EPHA7: variants seen among roughly 807,000 people sequenced by gnomAD.
The protein encoded by EPHA7 is EPH receptor A7.
EPHA7 carries 25 observed loss-of-function variants against 112.6 expected under a neutral mutation model. The ratio of observed to expected loss-of-function variants is 0.22; its 90% CI spans 0.16 to 0.31. The LOEUF is 0.31. Ranked by LOEUF, EPHA7 falls within the 10% of genes least tolerant of loss-of-function variation. The pLI is 1.00. For synonymous variants in EPHA7, 437 were observed against 406.5 expected (o/e 1.07, Z -0.90); for missense variants, 962 against 1,212.6 (o/e 0.79, Z 3.07).
At chr6:93,353,747 A>C (rs528316107) in intron 5 of EPHA7, among the ~76,000 whole-genome samples, 1 of 151,320 alleles carries the variant, frequency 6.6e-6, no homozygotes, top group Non-Finnish European at 1.5e-5. Context: ...TTTTTTTTTC[A>C]TGAGGAGTTT....
At chr6:93,297,641 C>A (rs1428909782) in intron 5 of EPHA7, among the ~76,000 whole-genome samples, 1 of 152,070 alleles carries the variant, frequency 6.6e-6, no homozygotes, top group African/African-American at 2.4e-5. Context: ...TTTGTAAGTG[C>A]CAGTTGCCAC....
intron 5 of EPHA7, among the ~76,000 whole-genome samples, chr6:93,289,747 T>A (rs769983440): frequency 1.3e-5 from 2 of 152,214 alleles, no homozygotes; most frequent in African/African-American, 4.8e-5. Flanking sequence ...TTACATTTTG[T>A]CTGCATGCCT....
intron 5 of EPHA7, among the ~76,000 whole-genome samples, chr6:93,328,730 G>A (rs1774444895): frequency 6.6e-6 from 1 of 151,168 alleles, no homozygotes; most frequent in South Asian, 2.1e-4. Flanking sequence ...TCTCATTAGC[G>A]AATTCTCATA....
intron 15 of EPHA7, 95 bp downstream of exon 15, chr6:93,246,697 A>C: frequency 9.3e-7 from 1 of 1,078,832 alleles, no homozygotes; most frequent in East Asian, 2.4e-5. Context: ...GTCAACACAA[A>C]AGTCAATTTG....
intron 3 of EPHA7, among the ~76,000 whole-genome samples, chr6:93,390,679 A>G (rs796752601): frequency 2.0e-5 from 3 of 151,962 alleles, no homozygotes; most frequent in African/African-American, 7.2e-5. Context: ...TGTTCATTAT[A>G]CTATTCTATT....
chr6:93,380,813 T>C (rs1472668321), intron 3 of EPHA7, among the ~76,000 whole-genome samples: 2 of 152,150 alleles, frequency 1.3e-5, no homozygotes, highest in African/African-American at 2.4e-5. Flanking sequence ...AGAAGAGCCT[T>C]GTCTTTTATT....
chr6:93,356,277 G>A (rs906745185), intron 5 of EPHA7, among the ~76,000 whole-genome samples: 3 of 151,422 alleles, frequency 2.0e-5, no homozygotes, highest in South Asian at 4.2e-4. Flanking sequence ...GCACGATCTC[G>A]GCTCACTGCA....
intron 3 of EPHA7, among the ~76,000 whole-genome samples, chr6:93,403,727 T>A (rs1316137270): frequency 2.6e-5 from 4 of 151,054 alleles, no homozygotes; most frequent in African/African-American, 9.7e-5. Flanking sequence ...TAAATTGATA[T>A]TTTAAGGAAA....
chr6:93,255,602 T>C (rs1206750617), intron 13 of EPHA7, among the ~76,000 whole-genome samples: 9 of 152,092 alleles, frequency 5.9e-5, no homozygotes, highest in African/African-American at 2.2e-4. Flanking sequence ...ACTCTCCCAA[T>C]ATAGGGCAGT....
At chr6:93,350,252 T>A (rs1775624493) in intron 5 of EPHA7, among the ~76,000 whole-genome samples, 1 of 152,018 alleles carries the variant, frequency 6.6e-6, no homozygotes, top group Non-Finnish European at 1.5e-5. Flanking sequence ...TCTTAGTAGG[T>A]CTCCTTTTCA....
chr6:93,342,323 C>G (rs1239425223), intron 5 of EPHA7, among the ~76,000 whole-genome samples: 1 of 151,754 alleles, frequency 6.6e-6, no homozygotes, highest in Non-Finnish European at 1.5e-5. Flanking sequence ...GTAATGTAAT[C>G]TATTAGAAAT....
intron 5 of EPHA7, among the ~76,000 whole-genome samples, chr6:93,342,336 A>G (rs1775180530): frequency 6.6e-6 from 1 of 151,834 alleles, no homozygotes; most frequent in African/African-American, 2.4e-5. Flanking sequence ...TTAGAAATAG[A>G]AGCCAATAGA....
rs114566881 is a variant in EPHA7, at chr6:93,396,379, T to C, written c.832+14122A>G. On this transcript the variant is annotated intron_variant, in intron 3 of 16. Transcript: ENST00000369303. ...AAATTCTACATAATTTTCAGAAATA[T>C]ATTTTGCTTTTTACTAGTGGCTGAA... is the stretch of plus-strand genomic sequence containing the variant. 7.8e-3 allele frequency among the ~76,000 whole-genome samples: 1,188 copies of C among 151,966 alleles called. 14 individuals carry two copies. The highest frequency in any genetic ancestry group is 0.026 in the African/African-American group (1,086 of 41,532).
chr6:93,413,095 A>G (rs1779055664), intron 2 of EPHA7, among the ~76,000 whole-genome samples: 1 of 151,968 alleles, frequency 6.6e-6, no homozygotes, highest in Non-Finnish European at 1.5e-5. Flanking sequence ...CGCCATTGGG[A>G]AAAATGTCTT....
At chr6:93,302,411 C>T (rs1171323363) in intron 5 of EPHA7, among the ~76,000 whole-genome samples, 2 of 152,042 alleles carry the variant, frequency 1.3e-5, no homozygotes, top group Non-Finnish European at 2.9e-5. Flanking sequence ...CAACCGTCCC[C>T]TCCCATGGCA....
chr6:93,265,927 T>G (rs1377969616), intron 7 of EPHA7, among the ~76,000 whole-genome samples: 1 of 151,670 alleles, frequency 6.6e-6, no homozygotes, highest in African/African-American at 2.4e-5. Context: ...AACTTATCTC[T>G]TAATTTTGTA....
At chr6:93,418,882 AG>A (rs1779381210) in intron 1 of EPHA7, among the ~76,000 whole-genome samples, 1 of 152,192 alleles carries the variant, frequency 6.6e-6, no homozygotes, top group Non-Finnish European at 1.5e-5. Flanking sequence ...TAAGGAGACA[AG>A]GAAGACCGAG....
intron 3 of EPHA7, among the ~76,000 whole-genome samples, chr6:93,366,696 G>A (rs142723671): frequency 6.6e-6 from 1 of 152,046 alleles, no homozygotes; most frequent in African/African-American, 2.4e-5. Flanking sequence ...TCTGCCAACC[G>A]GTTTACCTCT....
chr6:93,313,205 A>T (rs931892953), intron 5 of EPHA7, among the ~76,000 whole-genome samples: 2 of 152,182 alleles, frequency 1.3e-5, no homozygotes, highest in African/African-American at 2.4e-5. Flanking sequence ...AAACAGAATA[A>T]AACCAGGTAT....
Sources: gnomAD v4.1 joint callset for allele counts (sites outside exome capture counted in the v4.1 genomes callset) on GRCh38, gnomAD v4.1.1 for gene constraint, MANE v1.5 for transcripts, NCBI Gene and HGNC (gene_info 2026-07-23, HGNC 2026-07-21) for gene names.